XIRP2: variants seen among roughly 807,000 people sequenced by gnomAD.
XIRP2 encodes xin actin-binding repeat-containing protein 2.
In XIRP2, 236 loss-of-function variants were observed where a neutral mutation model predicts 277.0. That is an observed-to-expected ratio of 0.85 (90% CI 0.77 to 0.95). XIRP2 has a LOEUF of 0.95. Ranked by LOEUF, XIRP2 falls within the 40% of genes least tolerant of loss-of-function variation. XIRP2 has a pLI of 0.00. For missense variants in XIRP2, 4,640 were observed against 4,157.5 expected (o/e 1.12, Z -3.19); for synonymous variants, 1,490 against 1,416.5 (o/e 1.05, Z -1.17).
chr2:167,074,437 A>G (rs1293844147), intron 2 of XIRP2, among the ~76,000 whole-genome samples: 1 of 152,222 alleles, frequency 6.6e-6, no homozygotes, highest in African/African-American at 2.4e-5. Flanking sequence ...AATACAAAAT[A>G]TTATTAGCTC....
intron 2 of XIRP2, among the ~76,000 whole-genome samples, chr2:167,007,636 C>T (rs1372452884): frequency 6.8e-6 from 1 of 147,452 alleles, no homozygotes. Flanking sequence ...TAAACAAAAT[C>T]TATTATAAAT....
chr2:167,005,648 A>C (rs986424468), intron 2 of XIRP2, among the ~76,000 whole-genome samples: 3 of 151,864 alleles, frequency 2.0e-5, no homozygotes, highest in Non-Finnish European at 4.4e-5. Flanking sequence ...CATTAGAAGA[A>C]GTTATGTAAC....
chr2:166,953,039 T>A (rs978189987), intron 2 of XIRP2, among the ~76,000 whole-genome samples: 2 of 152,020 alleles, frequency 1.3e-5, no homozygotes, highest in Non-Finnish European at 2.9e-5. Flanking sequence ...TTAAAGGAAC[T>A]AACTTTTTTG....
At chr2:167,212,886 G>GCCACCCCC (rs1243833457) in intron 4 of XIRP2, among the ~76,000 whole-genome samples, 2 of 84,340 alleles carry the variant, frequency 2.4e-5, no homozygotes, top group African/African-American at 4.9e-5. Context: ...GCTTGTTCAA[G>GCCACCCCC]CCACCCCCCC....
intron 3 of XIRP2, among the ~76,000 whole-genome samples, chr2:167,196,830 G>T (rs761433913): frequency 6.6e-6 from 1 of 152,068 alleles, no homozygotes; most frequent in Admixed American, 6.6e-5. Context: ...GCTGGGGGTG[G>T]GTTGGTTGTG....
intron 2 of XIRP2, among the ~76,000 whole-genome samples, chr2:167,055,325 C>T (rs554211196): frequency 6.6e-6 from 1 of 152,282 alleles, no homozygotes; most frequent in East Asian, 1.9e-4. Flanking sequence ...GGTGGAGTAA[C>T]TCAGCCCAAC....
chr2:166,977,895 T>G (rs1686757487), intron 2 of XIRP2, among the ~76,000 whole-genome samples: 1 of 152,206 alleles, frequency 6.6e-6, no homozygotes. Context: ...TATTACTAGC[T>G]TTAAACTTAC....
chr2:167,042,160 G>A (rs74271030), intron 2 of XIRP2, among the ~76,000 whole-genome samples: 11,015 of 152,212 alleles, frequency 0.072, 533 homozygotes, highest in South Asian at 0.2. Flanking sequence ...ATTACGACCA[G>A]ACCTGCCTTA....
At chr2:167,059,833 G>A (rs1460994524) in intron 2 of XIRP2, among the ~76,000 whole-genome samples, 1 of 152,164 alleles carries the variant, frequency 6.6e-6, no homozygotes, top group Non-Finnish European at 1.5e-5. Context: ...TGGTCAATGC[G>A]ACATCAGCAA....
intron 2 of XIRP2, among the ~76,000 whole-genome samples, chr2:166,929,524 A>T (rs564919509): frequency 6.6e-6 from 1 of 152,190 alleles, no homozygotes; most frequent in Admixed American, 6.6e-5. Context: ...TAGTATTGTG[A>T]GTGGATCTTT....
intron 2 of XIRP2, among the ~76,000 whole-genome samples, chr2:166,943,518 T>A (rs925841424): frequency 3.3e-5 from 5 of 152,228 alleles, no homozygotes; most frequent in Admixed American, 2.0e-4. Context: ...CGTCTTCATA[T>A]ACATTTTACT....
At position 167,249,245 on chromosome 2, in the gene XIRP2, C is replaced by T. The variant is rs1695388783; in HGVS notation, c.7853C>T (p.Ala2618Val). ...CCCAGCCCAGGCTCTCAAAGTAATG[C>T]TCGGATACTAGGAGTGTGTTCTGAT... ...VQPSPGSQSN[A>V]RILGVCSDNQ... Residue 2618 changes from alanine to valine, a missense_variant, in exon 9 of 11, where the codon GCT (alanine) becomes GTT (valine). Transcript: ENST00000409195. The T allele has an allele frequency of 6.2e-7, 1 of 1,613,592 alleles. No individual in the cohort carries two copies. The highest frequency in any genetic ancestry group is 1.3e-5 in the African/African-American group (1 of 74,872).
At chr2:167,192,126 T>G (rs1367865549) in intron 3 of XIRP2, among the ~76,000 whole-genome samples, 1 of 152,214 alleles carries the variant, frequency 6.6e-6, no homozygotes, top group Admixed American at 6.5e-5. Context: ...CATTTCAAGT[T>G]TAATGTGGAC....
At chr2:167,130,660 CT>C (rs1489664246) in intron 2 of XIRP2, among the ~76,000 whole-genome samples, 1 of 151,970 alleles carries the variant, frequency 6.6e-6, no homozygotes, top group African/African-American at 2.4e-5. Flanking sequence ...CCTTTCTTTT[CT>C]TTCTTTCCTT....
chr2:166,899,379 C>T (rs915149429), intron 1 of XIRP2, among the ~76,000 whole-genome samples: 1 of 152,014 alleles, frequency 6.6e-6, no homozygotes, highest in African/African-American at 2.4e-5. Context: ...CTAGCTTCAA[C>T]CTTCAATCAT....
intron 1 of XIRP2, among the ~76,000 whole-genome samples, chr2:166,898,403 G>A (rs1684297698): frequency 6.6e-6 from 1 of 152,122 alleles, no homozygotes; most frequent in Admixed American, 6.6e-5. Context: ...TGTGAATGCT[G>A]GTACTGCTGT....
chr2:167,147,668 C>A (rs1691898790), intron 3 of XIRP2, among the ~76,000 whole-genome samples: 1 of 152,136 alleles, frequency 6.6e-6, no homozygotes, highest in South Asian at 2.1e-4. Flanking sequence ...ATAGAACTTT[C>A]CTGGGAGAGA....
intron 2 of XIRP2, among the ~76,000 whole-genome samples, chr2:167,068,658 G>T (rs1296226924): frequency 6.7e-6 from 1 of 150,300 alleles, no homozygotes; most frequent in East Asian, 1.9e-4. Context: ...GAATGTTTTA[G>T]CTTGAGTATT....
At chr2:167,152,728 C>G (rs1364186169) in intron 3 of XIRP2, among the ~76,000 whole-genome samples, 2 of 152,028 alleles carry the variant, frequency 1.3e-5, no homozygotes, top group Admixed American at 6.6e-5. Context: ...CAATGCTAGA[C>G]AGGTGAGCAG....
Sources: gnomAD v4.1 joint callset for allele counts (sites outside exome capture counted in the v4.1 genomes callset) on GRCh38, gnomAD v4.1.1 for gene constraint, MANE v1.5 for transcripts, NCBI Gene and HGNC (gene_info 2026-07-23, HGNC 2026-07-21) for gene names.